Variants in RSPH4A observed in about 807,000 individuals in gnomAD.
The protein encoded by RSPH4A is radial spoke head protein 4 homolog A.
RSPH4A carries 47 observed loss-of-function variants against 71.0 expected under a neutral mutation model. The ratio of observed to expected loss-of-function variants is 0.66; its 90% CI spans 0.52 to 0.84. The LOEUF (loss-of-function observed/expected upper bound fraction) is 0.84, where lower values mean the gene tolerates loss of function less well. RSPH4A is among the 40% of genes least tolerant of loss of function. The pLI is 0.00. For synonymous variants in RSPH4A, 282 were observed against 302.3 expected (o/e 0.93, Z 0.70); for missense variants, 793 against 855.2 (o/e 0.93, Z 0.91).
intron 1 of RSPH4A, among the ~76,000 whole-genome samples, chr6:116,620,687 C>CAT (rs1775589360): frequency 6.6e-6 from 1 of 151,956 alleles, no homozygotes; most frequent in Non-Finnish European, 1.5e-5. Flanking sequence ...GAATAAAGCA[C>CAT]ATATATATAT....
Position 116,623,120 on chromosome 6 carries a change from G to A in RSPH4A, c.921+118G>A. On this transcript the variant is annotated intron_variant, in intron 2 of 5. Coordinates refer to ENST00000229554, the MANE Select transcript of RSPH4A (RefSeq NM_001010892.3). ...AGCTTGTTTTGTTTTGTTTTGTTTT[G>A]TTTTGTTTAGACAGGCTCCCAGGCT... 4 of 763,626 alleles carry A rather than the reference G, an allele frequency of 5.2e-6. No individual in the cohort carries two copies. In the Middle Eastern group the frequency reaches 9.5e-4, roughly 181 times the overall value. 47.3% of individuals were successfully genotyped at this position (763,626 alleles called of 1,614,324 possible).
At chr6:116,630,598 C>A in intron 5 of RSPH4A, 46 bp downstream of exon 5, 1 of 889,458 alleles carries the variant, frequency 1.1e-6, no homozygotes, top group Non-Finnish European at 1.9e-6. Context: ...ATTAGTTAAG[C>A]TCTGGAAATT....
chr6:116,617,141 A>G lies in RSPH4A; in HGVS notation c.518A>G (p.Gln173Arg), dbSNP rs1775521804. The G allele has an allele frequency of 6.2e-7, 1 of 1,614,114 alleles. No homozygotes were observed. The highest frequency in any genetic ancestry group is 1.1e-5 in the South Asian group (1 of 91,092). ...RRDVSYNNAK[Q>R]KELRFDVFQE... ...GACGTGAGCTATAACAACGCTAAAC[A>G]GAAAGAGCTGAGATTTGACGTTTTT... Residue 173 changes from glutamine (Q) to arginine (R), a missense_variant, in exon 1 of 6, where the codon CAG (glutamine) becomes CGG (arginine). Physicochemically the swap from Gln to Arg is conservative, Grantham distance 43 (BLOSUM62 1). Transcript: ENST00000229554.
chr6:116,628,580 T>A (rs1304649742), intron 3 of RSPH4A, among the ~76,000 whole-genome samples: 2 of 152,142 alleles, frequency 1.3e-5, no homozygotes, highest in Non-Finnish European at 2.9e-5. Flanking sequence ...GTCCCAGGGA[T>A]CTCCAAACAG....
chr6:116,622,987 A>AT lies in RSPH4A; in HGVS notation c.908dup (p.Leu303PhefsTer4). The AT allele has an allele frequency of 6.2e-7, 1 of 1,604,982 alleles. No individual in the cohort carries two copies. ...GACATTTGGAAGGAGTTGACCAAGA[A>AT]TTGGAAGATGAAATAGTAAGTCACT... On this transcript the variant is annotated frameshift_variant, in exon 2 of 6. Coordinates refer to ENST00000229554, the MANE Select transcript of RSPH4A (RefSeq NM_001010892.3). LOFTEE classifies it high-confidence loss of function.
chr6:116,630,608 TATAA>T, intron 5 of RSPH4A, 56 bp downstream of exon 5: 1 of 835,272 alleles, frequency 1.2e-6, no homozygotes, highest in Admixed American at 1.7e-5. Flanking sequence ...CTCTGGAAAT[TATAA>T]ATAACCACTA....
At chr6:116,630,906 G>T (rs557174785) in intron 5 of RSPH4A, among the ~76,000 whole-genome samples, 35 of 139,932 alleles carry the variant, frequency 2.5e-4, no homozygotes, top group African/African-American at 9.1e-4. Flanking sequence ...GGCCAGGCTG[G>T]TCTTGAACTC....
At chr6:116,631,851 A>C (rs1460651352) in intron 5 of RSPH4A, among the ~76,000 whole-genome samples, 1 of 152,212 alleles carries the variant, frequency 6.6e-6, no homozygotes, top group Non-Finnish European at 1.5e-5. Flanking sequence ...AGGAGTTTGC[A>C]CAGTTAGCTA....
At chr6:116,619,504 C>G (rs1430400529) in intron 1 of RSPH4A, among the ~76,000 whole-genome samples, 1 of 152,058 alleles carries the variant, frequency 6.6e-6, no homozygotes, top group Non-Finnish European at 1.5e-5. Flanking sequence ...ATCATAATTC[C>G]TAAGTTCTCA....
In RSPH4A at chr6:116,623,050, G is replaced by A. The variant is rs975333278; in HGVS notation, c.921+48G>A. ...AATAATAAACCTTAGGATTTTATTT[G>A]GGACGAATGGCTGTGGCTTTAAATT... is the stretch of plus-strand genomic sequence containing the variant. On this transcript the variant is annotated intron_variant, in intron 2 of 5. Transcript: ENST00000229554. 9.0e-6 allele frequency: 10 copies of A among 1,109,290 alleles called. No individual in the cohort carries two copies. The African/African-American group carries it at 1.1e-4, about 12-fold the overall frequency. 68.7% of individuals were successfully genotyped at this position (1,109,290 alleles called of 1,614,324 possible).
At position 116,629,604 on chromosome 6, in the gene RSPH4A, A is replaced by G. The variant is rs1775759190; in HGVS notation, c.1700A>G (p.Glu567Gly). 6.2e-7 allele frequency: 1 copy of G among 1,612,518 alleles called. No homozygotes were observed. Among genetic ancestry groups the G allele is most frequent in the South Asian group, 1.1e-5 (1 of 91,050 alleles). The change falls in exon 4 of 6, where the codon GAG (glutamate) becomes GGG (glycine). Residue 567 changes from glutamate (E) to glycine (G), a missense_variant. Physicochemically the swap from Glu to Gly is moderately conservative, Grantham distance 98. Transcript: ENST00000229554. ...TGGTTCAACTCCATACAAAAAAATG[A>G]GGAAGAAGAAGAGGAAGAAGATGAA... The part of the protein sequence containing the change: ...CNWFNSIQKN[E>G]EEEEEEDEEK...
intron 1 of RSPH4A, 151 bp from the exon 2 acceptor site, chr6:116,622,617 T>C (rs1583348190): frequency 8.6e-6 from 5 of 582,308 alleles, no homozygotes; most frequent in Non-Finnish European, 1.5e-5. Flanking sequence ...AATTGCCTAC[T>C]TCCTATTAAT....
Position 116,627,858 on chromosome 6 carries a change from A to G in RSPH4A, c.1151A>G (p.Glu384Gly). 6.2e-7 allele frequency: 1 copy of G among 1,613,862 alleles called. No individual in the cohort carries two copies. The highest frequency in any genetic ancestry group is 8.5e-7 in the Non-Finnish European group (1 of 1,179,708). ...GGGGAAGATGAAGAGGAAGTGGAAG[A>G]GGAAGATGTAGCTGAAGAGAGGGAC... ...REGEDEEEVE[E>G]EDVAEERDNG... The change falls in exon 3 of 6, where the codon GAG (glutamate) becomes GGG (glycine). Residue 384 changes from glutamate (E) to glycine (G), a missense_variant. Physicochemically the swap from Glu to Gly is moderately conservative, Grantham distance 98 (BLOSUM62 -2). Coordinates refer to ENST00000229554, the MANE Select transcript of RSPH4A (RefSeq NM_001010892.3).
intron 1 of RSPH4A, among the ~76,000 whole-genome samples, chr6:116,619,543 A>T (rs540893689): frequency 2.0e-4 from 30 of 152,326 alleles, no homozygotes; most frequent in African/African-American, 6.5e-4. Flanking sequence ...CTTCCTGATT[A>T]ATCAGTAAAT....
At chr6:116,630,777 A>T (rs1369928840) in intron 5 of RSPH4A, among the ~76,000 whole-genome samples, 3 of 130,266 alleles carry the variant, frequency 2.3e-5, no homozygotes, top group Non-Finnish European at 3.1e-5. Flanking sequence ...GGTTCAAGCC[A>T]TTCTCCTGCC....
At chr6:116,619,358 G>A (rs996020721) in intron 1 of RSPH4A, among the ~76,000 whole-genome samples, 1 of 152,100 alleles carries the variant, frequency 6.6e-6, no homozygotes, top group Non-Finnish European at 1.5e-5. Context: ...AGACAAAGTA[G>A]GTTAGAGAAT....
At position 116,616,781 on chromosome 6, in the gene RSPH4A, G is replaced by A; in HGVS notation, c.158G>A (p.Arg53His). 5 of 1,614,120 alleles carry A rather than the reference G, an allele frequency of 3.1e-6. No individual in the cohort carries two copies. The highest frequency in any genetic ancestry group is 4.2e-6 in the Non-Finnish European group (5 of 1,180,022). The part of the protein sequence containing the change: ...LEAKQGPETG[R>H]QSRSSRPWSP... The stretch of plus-strand genomic sequence containing the variant: ...GCGAAGCAGGGGCCAGAAACTGGAC[G>A]CCAGTCCCGAAGCAGCCGTCCTTGG... Residue 53 changes from arginine (R) to histidine (H), a missense_variant, in exon 1 of 6, where the codon CGC becomes CAC. Arg to His is a conservative substitution (Grantham distance 29). Coordinates refer to ENST00000229554, the MANE Select transcript of RSPH4A (RefSeq NM_001010892.3).
chr6:116,630,478 T>C lies in RSPH4A; in HGVS notation c.1842T>C (p.Asn614=). Residue 614 remains asparagine (N), a synonymous_variant, in exon 5 of 6, where the codon AAT becomes AAC. Transcript: ENST00000229554. ...IPPWTTRLSS[N]LIPQYAIAVL... is the part of the protein sequence containing the mutation. ...CCTGGACAACACGGTTATCCTCAAA[T>C]CTCATTCCACAATATGCTATTGCAG... 6.2e-7 allele frequency: 1 copy of C among 1,611,936 alleles called. No homozygotes were observed. Among genetic ancestry groups the C allele is most frequent in the Non-Finnish European group, 8.5e-7 (1 of 1,178,140 alleles).
chr6:116,626,563 G>A (rs1032536497), intron 2 of RSPH4A, among the ~76,000 whole-genome samples: 3 of 151,992 alleles, frequency 2.0e-5, no homozygotes, highest in Admixed American at 6.6e-5. Flanking sequence ...GGATGGTCTC[G>A]ATCTACTGAC....
Sources: allele counts gnomAD v4.1 joint callset (sites outside exome capture counted in the v4.1 genomes callset), GRCh38; gene constraint gnomAD v4.1.1; transcripts MANE v1.5; gene names NCBI Gene and HGNC (gene_info 2026-07-23, HGNC 2026-07-21).